Variants in RFX3 observed in about 807,000 individuals in gnomAD.
RFX3 encodes transcription factor RFX3.
RFX3 carries 14 observed loss-of-function variants against 98.6 expected under a neutral mutation model. The observed-to-expected ratio is 0.14, with a 90% CI of 0.09 to 0.22. RFX3 has a LOEUF of 0.22. RFX3 is among the 10% of genes least tolerant of loss of function. RFX3 has a pLI of 1.00. For missense variants in RFX3, 639 were observed against 926.9 expected (o/e 0.69, Z 4.03); for synonymous variants, 383 against 328.4 (o/e 1.17, Z -1.80).
chr9:3,484,918 C>G (rs745824696), intron 1 of RFX3, among the ~76,000 whole-genome samples: 8 of 150,522 alleles, frequency 5.3e-5, no homozygotes, highest in South Asian at 2.2e-4. Context: ...ACACCCCCCC[C>G]CACCCCATCT....
chr9:3,366,531 T>G (rs1455619059), intron 2 of RFX3, among the ~76,000 whole-genome samples: 2 of 152,248 alleles, frequency 1.3e-5, no homozygotes, highest in South Asian at 4.1e-4. Context: ...CCTGGTCTGA[T>G]ATCACTCAGT....
intron 1 of RFX3, among the ~76,000 whole-genome samples, chr9:3,469,607 C>T (rs939105125): frequency 6.6e-6 from 1 of 152,074 alleles, no homozygotes; most frequent in Non-Finnish European, 1.5e-5. Flanking sequence ...TGGAACAGCT[C>T]TTCTCATGGG....
rs1247795700 is a variant in RFX3, at chr9:3,303,366, G to C, written c.475-1746C>G. 3.2e-4 allele frequency among the ~76,000 whole-genome samples: 48 copies of C among 151,350 alleles called. No homozygotes were observed. In the Admixed American group the frequency reaches 3.2e-3, roughly 10 times the overall value. On this transcript the variant is annotated intron_variant, in intron 4 of 16. Transcript: ENST00000617270. ...AAAACAGAGCAGAAAACAAGTCAAA[G>C]GATTCATATGACTACAATTCACTTA... is the stretch of plus-strand genomic sequence containing the variant.
chr9:3,368,617 T>C (rs868861719), intron 2 of RFX3, among the ~76,000 whole-genome samples: 1 of 152,252 alleles, frequency 6.6e-6, no homozygotes. Flanking sequence ...CCGTGGTTTT[T>C]GGCTTAGTAA....
At chr9:3,315,024 C>G (rs938996609) in intron 4 of RFX3, among the ~76,000 whole-genome samples, 6 of 152,214 alleles carry the variant, frequency 3.9e-5, no homozygotes, top group African/African-American at 1.2e-4. Context: ...CCAAGCAGAC[C>G]TAATAGACAT....
intron 5 of RFX3, among the ~76,000 whole-genome samples, chr9:3,298,351 A>G (rs1310812762): frequency 6.6e-6 from 1 of 151,840 alleles, no homozygotes; most frequent in African/African-American, 2.4e-5. Context: ...GTTCACATAT[A>G]TATCTACTTG....
At chr9:3,322,420 G>C (rs1831422059) in intron 4 of RFX3, among the ~76,000 whole-genome samples, 1 of 152,062 alleles carries the variant, frequency 6.6e-6, no homozygotes, top group Non-Finnish European at 1.5e-5. Context: ...ATCTAGAAAA[G>C]CTATTGATTT....
At chr9:3,465,813 GA>G (rs1381597674) in intron 1 of RFX3, among the ~76,000 whole-genome samples, 1 of 151,686 alleles carries the variant, frequency 6.6e-6, no homozygotes, top group East Asian at 1.9e-4. Flanking sequence ...TTGCTATGGT[GA>G]AAAAAAGAAA....
intron 4 of RFX3, among the ~76,000 whole-genome samples, chr9:3,312,225 C>G (rs1021299700): frequency 1.3e-5 from 2 of 152,124 alleles, no homozygotes; most frequent in Non-Finnish European, 2.9e-5. Flanking sequence ...GATGTGCACT[C>G]ATGAATATAT....
chr9:3,282,634 C>A (rs893504826), intron 7 of RFX3, among the ~76,000 whole-genome samples: 3 of 151,750 alleles, frequency 2.0e-5, no homozygotes, highest in Non-Finnish European at 2.9e-5. Context: ...TGAATTTCTT[C>A]ATTGAGTCCT....
intron 1 of RFX3, among the ~76,000 whole-genome samples, chr9:3,410,098 T>C (rs1842324723): frequency 6.6e-6 from 1 of 151,402 alleles, no homozygotes; most frequent in Admixed American, 6.6e-5. Context: ...CGTTTCCAAG[T>C]CTCTTTCTCA....
At chr9:3,287,767 A>T (rs973811020) in intron 7 of RFX3, among the ~76,000 whole-genome samples, 1 of 151,942 alleles carries the variant, frequency 6.6e-6, no homozygotes, top group Non-Finnish European at 1.5e-5. Context: ...TACTGTGTCA[A>T]AAAGAATGAC....
chr9:3,426,325 C>CT (rs917631096), intron 1 of RFX3, among the ~76,000 whole-genome samples: 3,367 of 142,766 alleles, frequency 0.024, 39 homozygotes, highest in Non-Finnish European at 0.031. Context: ...AAATACCTAT[C>CT]TTTTTTTTTT....
At chr9:3,314,772 A>G (rs957510550) in intron 4 of RFX3, among the ~76,000 whole-genome samples, 2 of 152,246 alleles carry the variant, frequency 1.3e-5, no homozygotes, top group Admixed American at 6.5e-5. Context: ...CAAAAGAGAC[A>G]AACAGGGCCA....
chr9:3,279,748 G>A (rs1049368709), intron 7 of RFX3, among the ~76,000 whole-genome samples: 1 of 151,808 alleles, frequency 6.6e-6, no homozygotes, highest in African/African-American at 2.4e-5. Flanking sequence ...GATGGAGACA[G>A]CTGTTAGTAT....
intron 3 of RFX3, among the ~76,000 whole-genome samples, chr9:3,337,086 G>A (rs1229604842): frequency 6.6e-6 from 1 of 152,132 alleles, no homozygotes; most frequent in African/African-American, 2.4e-5. Flanking sequence ...CTTATGGGTA[G>A]GAGGAGGTAG....
chr9:3,509,727 A>T (rs1031969905), intron 1 of RFX3, among the ~76,000 whole-genome samples: 6 of 152,032 alleles, frequency 3.9e-5, no homozygotes, highest in Non-Finnish European at 8.8e-5. Context: ...TTCTAGAAAA[A>T]AATATGGAGT....
intron 12 of RFX3, among the ~76,000 whole-genome samples, chr9:3,265,914 C>T (rs1295220402): frequency 6.6e-6 from 1 of 151,990 alleles, no homozygotes. Flanking sequence ...TTATATCTTT[C>T]TCACAGATAT....
intron 1 of RFX3, among the ~76,000 whole-genome samples, chr9:3,463,741 C>G (rs541673062): frequency 4.3e-4 from 66 of 152,072 alleles, no homozygotes; most frequent in Middle Eastern, 3.4e-3. Context: ...GAGGCCATGG[C>G]AGGAGGATCG....
Sources: allele counts gnomAD v4.1 joint callset (sites outside exome capture counted in the v4.1 genomes callset), GRCh38; gene constraint gnomAD v4.1.1; transcripts MANE v1.5; gene names NCBI Gene and HGNC (gene_info 2026-07-23, HGNC 2026-07-21).